The following CNTNAP5 variants were observed in gnomAD, a reference collection of about 807,000 sequenced individuals.
The protein encoded by CNTNAP5 is contactin associated protein family member 5, also known as contactin-associated protein-like 5.
In CNTNAP5, 72 loss-of-function variants were observed where a neutral mutation model predicts 150.2. That is an observed-to-expected ratio of 0.48 (90% CI 0.40 to 0.58). The LOEUF is 0.58. Among genes scored for constraint, CNTNAP5 ranks in the 20% least tolerant of loss-of-function variants. The pLI, the probability that CNTNAP5 is intolerant of heterozygous loss-of-function variation, is 0.00. For synonymous variants in CNTNAP5, 672 were observed against 619.8 expected (o/e 1.08, Z -1.25); for missense variants, 1,636 against 1,626.2 (o/e 1.01, Z -0.10).
chr2:124,597,509 T>C (rs1024633461), intron 11 of CNTNAP5, among the ~76,000 whole-genome samples: 3 of 150,716 alleles, frequency 2.0e-5, no homozygotes, highest in African/African-American at 7.3e-5. Flanking sequence ...TGCCAAGAGA[T>C]CCGCTGTTAG....
intron 10 of CNTNAP5, among the ~76,000 whole-genome samples, chr2:124,553,324 C>T (rs535247283): frequency 2.6e-5 from 4 of 152,064 alleles, no homozygotes; most frequent in African/African-American, 9.6e-5. Flanking sequence ...GCCAACATGG[C>T]AAAACACAGT....
At chr2:124,211,111 C>A (rs1045826940) in intron 1 of CNTNAP5, among the ~76,000 whole-genome samples, 2 of 152,134 alleles carry the variant, frequency 1.3e-5, no homozygotes, top group African/African-American at 4.8e-5. Flanking sequence ...ATAAGTAATG[C>A]ATAAACAACA....
intron 20 of CNTNAP5, among the ~76,000 whole-genome samples, chr2:124,867,765 G>T (rs1165082587): frequency 6.6e-6 from 1 of 152,180 alleles, no homozygotes; most frequent in Admixed American, 6.5e-5. Context: ...TGTACATGCT[G>T]ATGAATCAAT....
In CNTNAP5 at chr2:124,304,122, G is replaced by A. The variant is rs533975338; in HGVS notation, c.381+61729G>A. Among the ~76,000 whole-genome samples, 5 of 152,228 alleles carry A rather than the reference G, an allele frequency of 3.3e-5. No homozygotes were observed. In the South Asian group the frequency reaches 1.0e-3, roughly 32 times the overall value. ...AGGGAGATATGATGCTCAAGACAAA[G>A]GCTCTAACTGTATATATTGTATACT... On this transcript the variant is annotated intron_variant, in intron 3 of 23. Transcript: ENST00000682447.
intron 1 of CNTNAP5, among the ~76,000 whole-genome samples, chr2:124,155,360 T>C (rs2104640504): frequency 6.6e-6 from 1 of 152,200 alleles, no homozygotes; most frequent in Non-Finnish European, 1.5e-5. Flanking sequence ...ATACCACTTT[T>C]CTCCTGTGGA....
chr2:124,194,495 A>G (rs938827157), intron 1 of CNTNAP5, among the ~76,000 whole-genome samples: 67 of 150,298 alleles, frequency 4.5e-4, no homozygotes, highest in African/African-American at 1.6e-3. Flanking sequence ...ACTGACAAAC[A>G]TGCATTTACT....
chr2:124,724,144 AAATAATAAT>A (rs60984074), intron 13 of CNTNAP5, among the ~76,000 whole-genome samples: 15 of 145,734 alleles, frequency 1.0e-4, no homozygotes, highest in South Asian at 6.5e-4. Flanking sequence ...ACTCCATCTC[AAATAATAAT>A]AATAATAATA....
chr2:124,227,139 G>A (rs139985854), intron 2 of CNTNAP5, among the ~76,000 whole-genome samples: 2 of 152,226 alleles, frequency 1.3e-5, no homozygotes, highest in African/African-American at 4.8e-5. Flanking sequence ...GGAAAGCAAT[G>A]AGCAATCACT....
At chr2:124,547,640 G>A (rs1177790098) in intron 10 of CNTNAP5, among the ~76,000 whole-genome samples, 1 of 152,210 alleles carries the variant, frequency 6.6e-6, no homozygotes, top group Non-Finnish European at 1.5e-5. Flanking sequence ...TCTTGCGTAA[G>A]TGCTTGCCTT....
chr2:124,691,702 G>C (rs540257375), intron 13 of CNTNAP5, among the ~76,000 whole-genome samples: 1 of 151,966 alleles, frequency 6.6e-6, no homozygotes, highest in African/African-American at 2.4e-5. Context: ...CATTCCATGC[G>C]CTCAGTGGTC....
chr2:124,529,739 G>A (rs939843848), intron 10 of CNTNAP5, among the ~76,000 whole-genome samples: 2 of 152,136 alleles, frequency 1.3e-5, no homozygotes, highest in Non-Finnish European at 2.9e-5. Flanking sequence ...GGCTGGCAGT[G>A]GTTTTCCTTA....
intron 22 of CNTNAP5, among the ~76,000 whole-genome samples, chr2:124,908,614 T>C (rs952953538): frequency 2.4e-4 from 37 of 152,108 alleles, no homozygotes; most frequent in African/African-American, 8.9e-4. Flanking sequence ...GTGGTGACTC[T>C]GGTATGAACT....
intron 21 of CNTNAP5, among the ~76,000 whole-genome samples, chr2:124,884,855 G>A (rs1013470512): frequency 6.6e-6 from 1 of 152,056 alleles, no homozygotes; most frequent in African/African-American, 2.4e-5. Context: ...AAGCAGTATA[G>A]TTATTTGGGG....
chr2:124,636,951 C>T lies in CNTNAP5; in HGVS notation c.1877-10807C>T, dbSNP rs1052868747. Among the ~76,000 whole-genome samples, 16 of 123,210 alleles carry T rather than the reference C, an allele frequency of 1.3e-4. No homozygotes were observed. The South Asian group carries it at 1.4e-3, about 11-fold the overall frequency. 80.8% of individuals were successfully genotyped at this position (123,210 alleles called of 152,430 possible). A position where few individuals can be genotyped will look rare whatever the true frequency, so the allele number is the denominator to read the frequency against. On this transcript the variant is annotated intron_variant, in intron 12 of 23. Coordinates refer to ENST00000682447, the MANE Select transcript of CNTNAP5 (RefSeq NM_001367498.1). ...CTCAGACATTTTAAAAAAATTTTTA[C>T]GGAACCATTTGAAAGTAAGTTGTAG...
rs534787444 is a variant in CNTNAP5, at chr2:124,681,808, C to T, written c.2077+33850C>T. Among the ~76,000 whole-genome samples the T allele has an allele frequency of 1.4e-4, 22 of 152,154 alleles. No homozygotes were observed. In the East Asian group the frequency reaches 3.7e-3, roughly 25 times the overall value. Reference sequence around the variant, plus strand: ...CGATCTCCTGACCTCGTGATCTGCCCGCCTCGGCCTTCCTAATTGCTGGGA... The same window carrying T: ...CGATCTCCTGACCTCGTGATCTGCCTGCCTCGGCCTTCCTAATTGCTGGGA... On this transcript the variant is annotated intron_variant, in intron 13 of 23. Transcript: ENST00000682447.
At chr2:124,334,322 T>A (rs1689419775) in intron 3 of CNTNAP5, among the ~76,000 whole-genome samples, 1 of 152,096 alleles carries the variant, frequency 6.6e-6, no homozygotes, top group Admixed American at 6.6e-5. Flanking sequence ...GTTGAGGCCA[T>A]CAGAAAGAAG....
intron 1 of CNTNAP5, among the ~76,000 whole-genome samples, chr2:124,216,169 A>G (rs1333966895): frequency 6.6e-6 from 1 of 152,130 alleles, no homozygotes. Flanking sequence ...GGAAAGAGCT[A>G]AGGTGCTTTT....
At chr2:124,666,420 G>A (rs1039394561) in intron 13 of CNTNAP5, among the ~76,000 whole-genome samples, 13 of 152,132 alleles carry the variant, frequency 8.5e-5, no homozygotes, top group African/African-American at 3.1e-4. Flanking sequence ...GTCTGGCAGA[G>A]CCTTAGGTCT....
rs997901062 is a variant in CNTNAP5, at chr2:124,767,391, T to C, written c.2533+3244T>C. On this transcript the variant is annotated intron_variant, in intron 16 of 23. Transcript: ENST00000682447. ...CACTATGTTCACAAGTCTTAGTGAA[T>C]GTGTTTTAGTGGGCCTGTGAAAACG... Among the ~76,000 whole-genome samples the C allele has an allele frequency of 2.0e-5, 3 of 152,210 alleles. No homozygotes were observed. The East Asian group carries it at 5.8e-4, about 29-fold the overall frequency.
Sources: allele counts gnomAD v4.1 joint callset (sites outside exome capture counted in the v4.1 genomes callset), GRCh38; gene constraint gnomAD v4.1.1; transcripts MANE v1.5; gene names NCBI Gene and HGNC (gene_info 2026-07-23, HGNC 2026-07-21).